Variants in DNAI7 observed in about 807,000 individuals in gnomAD.
The protein encoded by DNAI7 is dynein axonemal intermediate chain 7, also known as cancer susceptibility 1.
Under a neutral mutation model 86.6 loss-of-function variants are expected in DNAI7, and 78 were observed. The observed-to-expected ratio is 0.90, with a 90% confidence interval of 0.75 to 1.09. DNAI7 has a LOEUF of 1.09. Ranked by LOEUF, DNAI7 falls within the 50% of genes least tolerant of loss-of-function variation. The probability of loss-of-function intolerance (pLI) is 0.00; values close to 1 mark genes in which losing one functional copy is unlikely to be tolerated. For missense variants in DNAI7, 753 were observed against 810.2 expected, an observed-to-expected ratio of 0.93 and a Z score of 0.86; for synonymous variants, 274 against 273.0, an observed-to-expected ratio of 1.00 and a Z score of -0.04.
chr12:25,147,814 CAA>C (rs947679936), intron 7 of DNAI7, among the ~76,000 whole-genome samples: 2 of 152,134 alleles, frequency 1.3e-5, no homozygotes, highest in African/African-American at 4.8e-5. Context: ...TATTCTACTG[CAA>C]AAGTTAACCT....
At chr12:25,154,592 C>T in intron 5 of DNAI7, 136 bp from the exon 6 acceptor site, 5 of 738,664 alleles carry the variant, frequency 6.8e-6, no homozygotes, top group Non-Finnish European at 1.1e-5. Flanking sequence ...TAACCAGTAA[C>T]TTGAGAGAGC....
chr12:25,161,644 C>CA (rs1946848106), intron 2 of DNAI7, among the ~76,000 whole-genome samples: 1 of 152,168 alleles, frequency 6.6e-6, no homozygotes, highest in South Asian at 2.1e-4. Flanking sequence ...AGATTACTTT[C>CA]AACAGTGAGG....
At chr12:25,140,454 AAAATAAAT>A (rs751958581) in intron 9 of DNAI7, among the ~76,000 whole-genome samples, 1 of 151,988 alleles carries the variant, frequency 6.6e-6, no homozygotes, top group African/African-American at 2.4e-5. Flanking sequence ...AGTAGTTGCA[AAAATAAAT>A]AAATAAATAA....
intron 2 of DNAI7, among the ~76,000 whole-genome samples, chr12:25,173,398 G>C (rs560398371): frequency 6.6e-6 from 1 of 152,168 alleles, no homozygotes; most frequent in African/African-American, 2.4e-5. Flanking sequence ...ACCACAGTGT[G>C]ATACTACTTT....
At chr12:25,190,694 T>G in intron 1 of DNAI7, 63 bp from the exon 2 acceptor site, 2 of 948,172 alleles carry the variant, frequency 2.1e-6, no homozygotes, top group Non-Finnish European at 3.2e-6. Flanking sequence ...AAAAGTATCA[T>G]GATTATGTAA....
chr12:25,179,771 T>TA (rs990277152), intron 2 of DNAI7, among the ~76,000 whole-genome samples: 1 of 147,138 alleles, frequency 6.8e-6, no homozygotes, highest in African/African-American at 2.5e-5. Flanking sequence ...AAAAACTAGG[T>TA]ATCAAATGAA....
rs559199449 is a variant in DNAI7, at chr12:25,170,509, A to G, written c.22-9312T>C. 3.1e-4 allele frequency among the ~76,000 whole-genome samples: 47 copies of G among 152,358 alleles called. No individual in the cohort carries two copies. In the East Asian group the frequency reaches 9.1e-3, roughly 29 times the overall value. On this transcript the variant is annotated intron_variant, in intron 2 of 15. Transcript: ENST00000395987. The stretch of plus-strand genomic sequence containing the variant: ...TACTAATAGATCTAAGAAACAAGAC[A>G]GACAGTAACACAACAATAATGGAGG...
intron 4 of DNAI7, among the ~76,000 whole-genome samples, chr12:25,156,110 CAAA>C (rs71065914): frequency 6.9e-6 from 1 of 145,604 alleles, no homozygotes; most frequent in Non-Finnish European, 1.5e-5. Context: ...AATCACGTTA[CAAA>C]AAAAAAAAAG....
At chr12:25,176,055 A>G (rs12818753) in intron 2 of DNAI7, among the ~76,000 whole-genome samples, 152,243 of 152,244 alleles carry the variant, frequency 1, 76,121 homozygotes, top group Non-Finnish European at 1. Context: ...ACTCCAGCCT[A>G]GATGACAGAG....
chr12:25,125,362 AATG>A (rs1941981670), intron 9 of DNAI7, among the ~76,000 whole-genome samples: 1 of 152,136 alleles, frequency 6.6e-6, no homozygotes, highest in South Asian at 2.1e-4. Flanking sequence ...ACATTTCTCT[AATG>A]ATCAGCGATA....
At chr12:25,178,110 T>C (rs914863642) in intron 2 of DNAI7, among the ~76,000 whole-genome samples, 1 of 152,190 alleles carries the variant, frequency 6.6e-6, no homozygotes, top group Non-Finnish European at 1.5e-5. Flanking sequence ...AGATTATCCA[T>C]TTAACTCAAA....
intron 4 of DNAI7, among the ~76,000 whole-genome samples, chr12:25,156,740 C>CAAAA (rs1434754723): frequency 7.0e-6 from 1 of 143,110 alleles, no homozygotes; most frequent in Non-Finnish European, 1.5e-5. Context: ...GACTCTGTCT[C>CAAAA]AAAAAAAAAA....
At chr12:25,163,068 A>C (rs538036778) in intron 2 of DNAI7, among the ~76,000 whole-genome samples, 1 of 152,342 alleles carries the variant, frequency 6.6e-6, no homozygotes, top group African/African-American at 2.4e-5. Context: ...CAATTGCGCA[A>C]GCGGGAAAGG....
chr12:25,185,905 T>G, intron 2 of DNAI7: 1 of 183,846 alleles, frequency 5.4e-6, no homozygotes, highest in Non-Finnish European at 1.0e-5. Context: ...TAAAATACAA[T>G]CAATTCAAAT....
chr12:25,136,806 G>T (rs1489413152), intron 9 of DNAI7, among the ~76,000 whole-genome samples: 2 of 151,976 alleles, frequency 1.3e-5, no homozygotes, highest in Non-Finnish European at 2.9e-5. Flanking sequence ...ACAAATAGAA[G>T]AAAGAACTTC....
intron 9 of DNAI7, among the ~76,000 whole-genome samples, chr12:25,131,686 A>G (rs999950729): frequency 6.6e-6 from 1 of 152,206 alleles, no homozygotes; most frequent in African/African-American, 2.4e-5. Flanking sequence ...CTCTCAAAAG[A>G]CAGGATAACT....
At chr12:25,184,966 T>TAAAA (rs35375688) in intron 2 of DNAI7, among the ~76,000 whole-genome samples, 1,151 of 106,434 alleles carry the variant, frequency 0.011, 12 homozygotes, top group African/African-American at 0.036. Context: ...CCCATCTCTA[T>TAAAA]AAAAAAAAAA....
chr12:25,120,909 T>C (rs1326852668), intron 11 of DNAI7, among the ~76,000 whole-genome samples: 1 of 152,156 alleles, frequency 6.6e-6, no homozygotes, highest in Admixed American at 6.5e-5. Flanking sequence ...TCAATATGCA[T>C]AGGAGTTACC....
rs556906357 is a variant in DNAI7 at position 25,120,981 on chromosome 12, C to G, written c.1239+772G>C. The stretch of plus-strand genomic sequence containing the variant: ...AGGTGCAGCCCAAAATTATGCATTT[C>G]TTGCATGTTCCCAACTGACACTAAT... On this transcript the variant is annotated intron_variant, in intron 11 of 15. Transcript: ENST00000395987. Among the ~76,000 whole-genome samples the G allele has an allele frequency of 5.6e-4, 86 of 152,324 alleles. 1 individual carries two copies. The highest frequency in any genetic ancestry group is 1.0e-3 in the Non-Finnish European group (70 of 68,038).
Sources: allele counts gnomAD v4.1 joint callset (sites outside exome capture counted in the v4.1 genomes callset), GRCh38; gene constraint gnomAD v4.1.1; transcripts MANE v1.5; gene names NCBI Gene and HGNC (gene_info 2026-07-23, HGNC 2026-07-21).